NCKAP5: variants seen among roughly 807,000 people sequenced by gnomAD.
NCKAP5 encodes the protein nck-associated protein 5.
A neutral mutation model predicts 167.0 loss-of-function variants in NCKAP5; 92 were observed. The ratio of observed to expected loss-of-function variants is 0.55; its 90% CI spans 0.47 to 0.66. NCKAP5 has a LOEUF of 0.66. Among genes scored for constraint, NCKAP5 ranks in the 30% least tolerant of loss-of-function variants. NCKAP5 has a pLI of 0.00. For synonymous variants in NCKAP5, 891 were observed against 877.4 expected (o/e 1.02, Z -0.27); for missense variants, 2,378 against 2,315.0 (o/e 1.03, Z -0.56).
At position 132,753,972 on chromosome 2, in the gene NCKAP5, G is replaced by A. The variant is rs192506286; in HGVS notation, c.5128+19844C>T. Among the ~76,000 whole-genome samples the A allele has an allele frequency of 1.2e-4, 18 of 152,270 alleles. No individual in the cohort carries two copies. The East Asian group carries it at 2.1e-3, about 18-fold the overall frequency. On this transcript the variant is annotated intron_variant, in intron 16 of 19. Coordinates refer to ENST00000409261, the MANE Select transcript of NCKAP5 (RefSeq NM_207363.3). ...GGATACCCAGCTCCCTCATTCCTCA[G>A]GTGAGAAAACTCTTGAGACTCGCAT...
At chr2:132,912,747 T>C (rs1203985999) in intron 8 of NCKAP5, among the ~76,000 whole-genome samples, 8 of 152,200 alleles carry the variant, frequency 5.3e-5, no homozygotes, top group African/African-American at 1.7e-4. Context: ...TTCAGCAGCC[T>C]GAAACTTTCA....
At chr2:133,419,480 A>T (rs997667509) in intron 3 of NCKAP5, among the ~76,000 whole-genome samples, 1 of 152,212 alleles carries the variant, frequency 6.6e-6, no homozygotes, top group African/African-American at 2.4e-5. Context: ...TGGTTAGGTG[A>T]GCCATGTACC....
At chr2:133,127,863 AGCCTAT>A (rs1004259741) in intron 6 of NCKAP5, among the ~76,000 whole-genome samples, 10 of 152,302 alleles carry the variant, frequency 6.6e-5, no homozygotes, top group Middle Eastern at 3.4e-3. Flanking sequence ...TATAAGTAAT[AGCCTAT>A]GAGGGGTGGG....
At chr2:132,976,272 T>A (rs2076974519) in intron 7 of NCKAP5, among the ~76,000 whole-genome samples, 1 of 151,986 alleles carries the variant, frequency 6.6e-6, no homozygotes, top group South Asian at 2.1e-4. Context: ...CAAAATTTCA[T>A]TCAGATAGGA....
intron 4 of NCKAP5, among the ~76,000 whole-genome samples, chr2:133,280,390 G>A (rs2150459722): frequency 6.6e-6 from 1 of 151,898 alleles, no homozygotes; most frequent in Admixed American, 6.5e-5. Flanking sequence ...TTTGTTTTCT[G>A]TTCGTTTGTT....
chr2:133,469,661 AT>A (rs1444130806), intron 3 of NCKAP5, among the ~76,000 whole-genome samples: 2 of 152,030 alleles, frequency 1.3e-5, no homozygotes, highest in African/African-American at 4.8e-5. Flanking sequence ...TCAGATGTAG[AT>A]TTGGTCTTTT....
Position 133,183,230 on chromosome 2 carries a change from TACA to T in NCKAP5, c.207+30483_207+30485del, listed in dbSNP as rs536081169. ...ATTTTATACAATCTCTTTCAGAAAA[TACA>T]ACAAGAGGGAATACTTCCCAATTCA... is the stretch of plus-strand genomic sequence containing the variant. On this transcript the variant is annotated intron_variant, in intron 5 of 19. Coordinates refer to ENST00000409261, the MANE Select transcript of NCKAP5 (RefSeq NM_207363.3). Among the ~76,000 whole-genome samples the T allele has an allele frequency of 6.2e-3, 947 of 151,850 alleles. 7 individuals are homozygous for T. The highest frequency in any genetic ancestry group is 0.01 in the Non-Finnish European group (698 of 67,900).
intron 11 of NCKAP5, among the ~76,000 whole-genome samples, chr2:132,820,165 A>C (rs1686598442): frequency 6.6e-6 from 1 of 152,238 alleles, no homozygotes; most frequent in East Asian, 1.9e-4. Context: ...AAAGTTTTTC[A>C]ATTTTGAAAG....
At chr2:133,394,516 G>C (rs1266986720) in intron 3 of NCKAP5, among the ~76,000 whole-genome samples, 1 of 152,298 alleles carries the variant, frequency 6.6e-6, no homozygotes, top group Non-Finnish European at 1.5e-5. Context: ...TGCACTGTAA[G>C]GTTTTCTGGA....
intron 5 of NCKAP5, among the ~76,000 whole-genome samples, chr2:133,183,963 AT>A (rs943190374): frequency 9.9e-5 from 15 of 151,772 alleles, no homozygotes; most frequent in African/African-American, 7.3e-5. Context: ...TTTTATTTTT[AT>A]TTTTTTTCTA....
intron 6 of NCKAP5, among the ~76,000 whole-genome samples, chr2:133,023,286 A>G (rs1429371405): frequency 6.6e-6 from 1 of 152,170 alleles, no homozygotes; most frequent in Non-Finnish European, 1.5e-5. Context: ...ATTAATGTTC[A>G]CCAGCACTTT....
intron 2 of NCKAP5, among the ~76,000 whole-genome samples, chr2:133,547,223 TC>T (rs1194410685): frequency 6.7e-6 from 1 of 149,864 alleles, no homozygotes; most frequent in East Asian, 2.0e-4. Flanking sequence ...GCTCGGAGGG[TC>T]CTACGCCCAC....
chr2:133,282,145 T>C (rs1477137865), intron 4 of NCKAP5, among the ~76,000 whole-genome samples: 2 of 152,202 alleles, frequency 1.3e-5, no homozygotes, highest in Non-Finnish European at 1.5e-5. Context: ...ATTTCCCTCA[T>C]CTGCAAAATG....
At position 132,918,913 on chromosome 2, in the gene NCKAP5, A is replaced by G. The variant is rs143927618; in HGVS notation, c.580-39997T>C. Among the ~76,000 whole-genome samples, 10 of 152,356 alleles carry G rather than the reference A, an allele frequency of 6.6e-5. No homozygotes were observed. The East Asian group carries it at 1.9e-3, about 29-fold the overall frequency. On this transcript the variant is annotated intron_variant, in intron 8 of 19. Coordinates refer to ENST00000409261, the MANE Select transcript of NCKAP5 (RefSeq NM_207363.3). ...TGCCAAATATTGGGATGAAAGCTTC[A>G]TGTTTTCAAATACCCAGTATCAAAC...
chr2:133,232,116 CA>C (rs2087179658), intron 4 of NCKAP5, among the ~76,000 whole-genome samples: 1 of 151,944 alleles, frequency 6.6e-6, no homozygotes, highest in South Asian at 2.1e-4. Flanking sequence ...AAAGAGAAAA[CA>C]AAACCAAAGA....
intron 8 of NCKAP5, among the ~76,000 whole-genome samples, chr2:132,923,417 AGCCTGCTTGC>A (rs1695595950): frequency 6.6e-6 from 1 of 152,242 alleles, no homozygotes; most frequent in Admixed American, 6.5e-5. Context: ...ATTGCCAAAC[AGCCTGCTTGC>A]AAGGGGTCAC....
intron 7 of NCKAP5, among the ~76,000 whole-genome samples, chr2:132,985,342 G>A (rs897835631): frequency 6.6e-6 from 1 of 152,146 alleles, no homozygotes; most frequent in Non-Finnish European, 1.5e-5. Flanking sequence ...AACTCTTAGT[G>A]ATGTTATTTA....
intron 3 of NCKAP5, among the ~76,000 whole-genome samples, chr2:133,361,986 G>C (rs942915242): frequency 6.6e-6 from 1 of 150,920 alleles, no homozygotes; most frequent in Admixed American, 6.6e-5. Context: ...AAGGAATTGA[G>C]AGAAGCATAA....
At chr2:133,512,215 T>C (rs1019610496) in intron 3 of NCKAP5, among the ~76,000 whole-genome samples, 6 of 152,250 alleles carry the variant, frequency 3.9e-5, no homozygotes, top group Non-Finnish European at 7.3e-5. Flanking sequence ...GTCAATATTT[T>C]CTAAATATTT....
Sources: allele counts gnomAD v4.1 joint callset (sites outside exome capture counted in the v4.1 genomes callset), GRCh38; gene constraint gnomAD v4.1.1; transcripts MANE v1.5; gene names NCBI Gene and HGNC (gene_info 2026-07-23, HGNC 2026-07-21).